Variants in TET2 observed in about 807,000 individuals in gnomAD.
TET2 encodes tet methylcytosine dioxygenase 2.
Under a neutral mutation model 142.9 loss-of-function variants are expected in TET2, and 299 were observed. The observed-to-expected ratio is 2.09, with a 90% CI of 1.90 to 2.30. The LOEUF (loss-of-function observed/expected upper bound fraction) is 2.30. Among genes scored for constraint, TET2 ranks in the 30% most tolerant of loss-of-function variants. The pLI is 0.00. For synonymous variants in TET2, 819 were observed against 849.0 expected (o/e 0.96, Z 0.61); for missense variants, 2,418 against 2,378.0 (o/e 1.02, Z -0.35).
At chr4:105,184,074 G>A (rs191422399) in intron 1 of TET2, among the ~76,000 whole-genome samples, 167 of 152,232 alleles carry the variant, frequency 1.1e-3, no homozygotes, top group African/African-American at 3.8e-3. Flanking sequence ...TGACCAGTGA[G>A]GTCAAGTATT....
Position 105,275,351 on chromosome 4 carries a change from C to G in TET2, c.4841C>G (p.Pro1614Arg), listed in dbSNP as rs1731156071. 6.4e-7 allele frequency: 1 copy of G among 1,551,744 alleles called. No homozygotes were observed. Among genetic ancestry groups the G allele is most frequent in the East Asian group, 2.4e-5 (1 of 40,930 alleles). Reference sequence around the variant, plus strand: ...GGTTCATATTTGAATTCTTCTAATCCCATGAACCCTTACCCTGGGCTTTTG... The same window carrying G: ...GGTTCATATTTGAATTCTTCTAATCGCATGAACCCTTACCCTGGGCTTTTG... ...AAGSYLNSSN[P>R]MNPYPGLLNQ... Residue 1614 changes from proline to arginine, a missense_variant, in exon 11 of 11, where the codon CCC becomes CGC. Pro to Arg is a moderately radical substitution (Grantham distance 103, BLOSUM62 -2). Coordinates refer to ENST00000380013, the MANE Select transcript of TET2 (RefSeq NM_001127208.3).
At chr4:105,227,342 T>C (rs1200739458) in intron 2 of TET2, among the ~76,000 whole-genome samples, 1 of 152,190 alleles carries the variant, frequency 6.6e-6, no homozygotes, top group Non-Finnish European at 1.5e-5. Context: ...TAATTTTGAT[T>C]GGCCAGCATC....
chr4:105,255,647 T>G (rs1296497145), intron 6 of TET2, among the ~76,000 whole-genome samples: 2 of 152,194 alleles, frequency 1.3e-5, no homozygotes, highest in East Asian at 1.9e-4. Context: ...CTCTGTTGCT[T>G]ATTACATGTA....
In TET2 at chr4:105,234,632, G is replaced by C. The variant is rs2110222359; in HGVS notation, c.690G>C (p.Leu230=). 6.2e-7 allele frequency: 1 copy of C among 1,614,112 alleles called. No individual in the cohort carries two copies. Among genetic ancestry groups the C allele is most frequent in the Non-Finnish European group, 8.5e-7 (1 of 1,180,014 alleles). Residue 230 remains leucine, a synonymous_variant, in exon 3 of 11, where the codon CTG becomes CTC. Coordinates refer to ENST00000380013, the MANE Select transcript of TET2 (RefSeq NM_001127208.3). ...HTHGELLEKT[L]SQYYPDCVSI... is the part of the protein sequence containing the mutation. ...ATGGTGAACTCCTGGAAAAAACACTGTCTCAATATTATCCAGATTGTGTTT... is the reference window on the plus strand; with the variant it reads ...ATGGTGAACTCCTGGAAAAAACACTCTCTCAATATTATCCAGATTGTGTTT...
chr4:105,160,850 C>T (rs1009534887), intron 1 of TET2, among the ~76,000 whole-genome samples: 1 of 152,118 alleles, frequency 6.6e-6, no homozygotes, highest in African/African-American at 2.4e-5. Context: ...GATCTGGGCT[C>T]ACCGCAACCT....
At chr4:105,270,761 A>C (rs966935032) in intron 9 of TET2, among the ~76,000 whole-genome samples, 2 of 152,150 alleles carry the variant, frequency 1.3e-5, no homozygotes, top group African/African-American at 4.8e-5. Context: ...CCCAGAGTAG[A>C]GATAAAGAAC....
At chr4:105,239,848 A>G (rs2110245031) in intron 3 of TET2, 1 of 232,152 alleles carries the variant, frequency 4.3e-6, no homozygotes, top group East Asian at 6.3e-5. Context: ...TTTGATTTAA[A>G]GTGGCAGGCA....
intron 5 of TET2, 136 bp downstream of exon 5, chr4:105,243,063 T>G: frequency 1.4e-6 from 1 of 725,628 alleles, no homozygotes; most frequent in Admixed American, 2.8e-5. Flanking sequence ...TTTTATCATG[T>G]GTTATCTCTT....
intron 2 of TET2, among the ~76,000 whole-genome samples, chr4:105,199,920 G>GTT (rs34853642): frequency 0.063 from 9,526 of 151,688 alleles, 397 homozygotes; most frequent in Non-Finnish European, 0.09. Context: ...ATATAACACA[G>GTT]TTTTTTTTTA....
At chr4:105,175,510 G>A (rs1325480150) in intron 1 of TET2, among the ~76,000 whole-genome samples, 1 of 151,742 alleles carries the variant, frequency 6.6e-6, no homozygotes, top group Non-Finnish European at 1.5e-5. Context: ...ATGATAATAG[G>A]AACTTCAAAA....
chr4:105,250,665 G>A (rs143455854), intron 6 of TET2, among the ~76,000 whole-genome samples: 1 of 152,004 alleles, frequency 6.6e-6, no homozygotes, highest in Non-Finnish European at 1.5e-5. Context: ...TTTCAGTAAT[G>A]TTTTGGATGA....
rs79310287 is a variant in TET2 at position 105,227,121 on chromosome 4, C to A, written c.-46-6776C>A. Among the ~76,000 whole-genome samples the A allele has an allele frequency of 6.8e-3, 1,028 of 152,188 alleles. 16 individuals are homozygous for A. Among genetic ancestry groups the A allele is most frequent in the African/African-American group, 0.023 (971 of 41,516 alleles). On this transcript the variant is annotated intron_variant, in intron 2 of 10. Coordinates refer to ENST00000380013, the MANE Select transcript of TET2 (RefSeq NM_001127208.3). ...TGAGCTGTAGGTTGATAACATGATG[C>A]CAGCTATAACCCATAAGAGCATCTC... is the stretch of plus-strand genomic sequence containing the variant.
At position 105,275,364 on chromosome 4, in the gene TET2, C is replaced by A. The variant is rs1213856157; in HGVS notation, c.4854C>A (p.Tyr1618Ter). 3 of 1,551,644 alleles carry A rather than the reference C, an allele frequency of 1.9e-6. No individual in the cohort carries two copies. Among genetic ancestry groups the A allele is most frequent in the Non-Finnish European group, 1.7e-6 (2 of 1,146,970 alleles). Residue 1618 changes from tyrosine to a stop codon, truncating the protein, a stop_gained, in exon 11 of 11, where the codon TAC (tyrosine) becomes TAA (stop). Coordinates refer to ENST00000380013, the MANE Select transcript of TET2 (RefSeq NM_001127208.3). LOFTEE classifies it low-confidence loss of function (END_TRUNC). ...ATTCTTCTAATCCCATGAACCCTTACCCTGGGCTTTTGAATCAGAATACCC... is the reference window on the plus strand; with the variant it reads ...ATTCTTCTAATCCCATGAACCCTTAACCTGGGCTTTTGAATCAGAATACCC... ...YLNSSNPMNP[Y>*]PGLLNQNTQY...
rs755721467 is a variant in TET2, at chr4:105,278,727, GA to G, written c.*2217del. 8.7e-5 allele frequency: 20 copies of G among 230,560 alleles called. No homozygotes were observed. The highest frequency in any genetic ancestry group is 3.1e-4 in the African/African-American group (14 of 44,960). The allele number at this position is 230,560 out of a possible 1,614,324, so 14.3% of individuals were successfully genotyped here. A position where few individuals can be genotyped will look rare whatever the true frequency, so the allele number is the denominator to read the frequency against. On this transcript the variant is annotated 3_prime_UTR_variant, in exon 11 of 11. Transcript: ENST00000380013. ...GGAATCTTTTGACTGTTTCAAGCAG[GA>G]AAAAAAAATTACATGAAAATAGAAT...
chr4:105,245,296 A>G (rs931488890), intron 6 of TET2, among the ~76,000 whole-genome samples: 4 of 152,110 alleles, frequency 2.6e-5, no homozygotes, highest in Admixed American at 2.6e-4. Context: ...CATAACATGT[A>G]ACTTATAAAC....
chr4:105,257,096 G>C (rs1730174379), intron 6 of TET2, among the ~76,000 whole-genome samples: 1 of 151,914 alleles, frequency 6.6e-6, no homozygotes, highest in African/African-American at 2.4e-5. Context: ...ACTTTATAGG[G>C]GCCATACTTT....
intron 6 of TET2, among the ~76,000 whole-genome samples, chr4:105,258,709 AATT>A (rs1253944629): frequency 3.3e-5 from 5 of 152,130 alleles, no homozygotes; most frequent in Non-Finnish European, 7.4e-5. Context: ...TGATATTAAC[AATT>A]ATTTACTTAT....
intron 5 of TET2, among the ~76,000 whole-genome samples, 190 bp from the exon 6 acceptor site, chr4:105,243,380 C>T (rs1022008802): frequency 4.6e-5 from 7 of 152,274 alleles, no homozygotes; most frequent in South Asian, 4.1e-4. Flanking sequence ...TGTTCTGATA[C>T]TAGGGTCAAA....
chr4:105,258,601 C>A (rs1352708398), intron 6 of TET2, among the ~76,000 whole-genome samples: 1 of 152,080 alleles, frequency 6.6e-6, no homozygotes, highest in Non-Finnish European at 1.5e-5. Context: ...CTGAGATTAA[C>A]TCAAATCATT....
Sources: allele counts gnomAD v4.1 joint callset (sites outside exome capture counted in the v4.1 genomes callset), GRCh38; gene constraint gnomAD v4.1.1; transcripts MANE v1.5; gene names NCBI Gene and HGNC (gene_info 2026-07-23, HGNC 2026-07-21).